NRG3: variants seen among roughly 807,000 people sequenced by gnomAD.
NRG3 encodes pro-neuregulin-3, membrane-bound isoform.
In NRG3, 31 loss-of-function variants were observed where a neutral mutation model predicts 66.9. The ratio of observed to expected loss-of-function variants is 0.46; its 90% confidence interval spans 0.35 to 0.63. NRG3 has a LOEUF of 0.63. Among genes scored for constraint, NRG3 ranks in the 20% least tolerant of loss-of-function variants. NRG3 has a pLI of 0.00. For missense variants in NRG3, 910 were observed against 878.9 expected (o/e 1.04, Z -0.45); for synonymous variants, 393 against 359.4 (o/e 1.09, Z -1.06).
intron 1 of NRG3, among the ~76,000 whole-genome samples, chr10:82,002,499 A>G (rs899097891): frequency 6.6e-6 from 1 of 152,184 alleles, no homozygotes; most frequent in Non-Finnish European, 1.5e-5. Flanking sequence ...GCAGCTGTGC[A>G]GTGTTTTTCT....
At chr10:82,530,285 T>TG (rs1847126588) in intron 2 of NRG3, among the ~76,000 whole-genome samples, 1 of 152,070 alleles carries the variant, frequency 6.6e-6, no homozygotes, top group African/African-American at 2.4e-5. Flanking sequence ...CAATAGCCTG[T>TG]GTACAAACAT....
At chr10:81,998,659 G>A (rs954972472) in intron 1 of NRG3, among the ~76,000 whole-genome samples, 5 of 152,218 alleles carry the variant, frequency 3.3e-5, no homozygotes, top group African/African-American at 4.8e-5. Context: ...AAAACAACGT[G>A]TGTGATAGAT....
chr10:81,975,323 ATCT>A (rs1191950781), intron 1 of NRG3, among the ~76,000 whole-genome samples: 1 of 45,390 alleles, frequency 2.2e-5, no homozygotes, highest in Non-Finnish European at 4.3e-5. Flanking sequence ...ACATCTATCT[ATCT>A]ATCTATCTAT....
At chr10:81,897,817 G>A (rs1843659940) in intron 1 of NRG3, among the ~76,000 whole-genome samples, 1 of 152,156 alleles carries the variant, frequency 6.6e-6, no homozygotes, top group African/African-American at 2.4e-5. Flanking sequence ...AACCAGTGAT[G>A]GGATTATGCA....
chr10:82,358,816 G>A lies in NRG3; in HGVS notation c.901G>A (p.Asp301Asn), dbSNP rs781602782. Residue 301 changes from aspartate (D) to asparagine (N), a missense_variant, in exon 2 of 9, where the codon GAT (aspartate) becomes AAT (asparagine). Physicochemically the swap from Asp to Asn is conservative, Grantham distance 23. Transcript: ENST00000372141. ...CAAGGACCTTGCATACTGTCTCAATGATGGCGAGTGCTTTGTGATCGAAAC... is the reference window on the plus strand; with the variant it reads ...CAAGGACCTTGCATACTGTCTCAATAATGGCGAGTGCTTTGTGATCGAAAC... ...RDKDLAYCLNDGECFVIETLT... is the reference protein window; with the variant it reads ...RDKDLAYCLNNGECFVIETLT... 9 of 1,614,180 alleles carry A rather than the reference G, an allele frequency of 5.6e-6. No individual in the cohort carries two copies. Among genetic ancestry groups the A allele is most frequent in the Non-Finnish European group, 7.6e-6 (9 of 1,180,028 alleles).
chr10:82,647,111 T>G (rs1591007102), intron 2 of NRG3, among the ~76,000 whole-genome samples: 1 of 151,922 alleles, frequency 6.6e-6, no homozygotes. Context: ...CCATTAACTC[T>G]TCATTTAGCA....
intron 1 of NRG3, among the ~76,000 whole-genome samples, chr10:82,281,911 A>C (rs562643835): frequency 1.1e-4 from 16 of 152,320 alleles, no homozygotes; most frequent in African/African-American, 3.8e-4. Context: ...TTGACAGTAG[A>C]CATGGCTATT....
chr10:82,219,090 A>T (rs751570748), intron 1 of NRG3, among the ~76,000 whole-genome samples: 1 of 152,032 alleles, frequency 6.6e-6, no homozygotes, highest in Non-Finnish European at 1.5e-5. Flanking sequence ...CTGTGCATAT[A>T]TTAAGTGTGC....
At chr10:81,934,462 A>G (rs993763180) in intron 1 of NRG3, among the ~76,000 whole-genome samples, 2 of 152,170 alleles carry the variant, frequency 1.3e-5, no homozygotes, top group Admixed American at 1.3e-4. Flanking sequence ...TGTGACACAC[A>G]TAAAGCTTCT....
At chr10:82,151,779 C>T (rs1417736689) in intron 1 of NRG3, among the ~76,000 whole-genome samples, 2 of 152,106 alleles carry the variant, frequency 1.3e-5, no homozygotes, top group Non-Finnish European at 2.9e-5. Context: ...ATCACTGTCC[C>T]ATAAAAAAAG....
intron 2 of NRG3, among the ~76,000 whole-genome samples, chr10:82,462,862 CT>C (rs1224993264): frequency 6.6e-6 from 1 of 152,108 alleles, no homozygotes; most frequent in Non-Finnish European, 1.5e-5. Flanking sequence ...TGATAACTGT[CT>C]TTTTTATTTT....
intron 2 of NRG3, among the ~76,000 whole-genome samples, chr10:82,440,440 T>G (rs1005849831): frequency 1.3e-5 from 2 of 151,606 alleles, no homozygotes; most frequent in Non-Finnish European, 2.9e-5. Context: ...GCTTCATTAA[T>G]GATAGTTTTT....
chr10:82,897,692 T>C (rs902964459), intron 4 of NRG3, among the ~76,000 whole-genome samples: 1 of 152,074 alleles, frequency 6.6e-6, no homozygotes, highest in Non-Finnish European at 1.5e-5. Flanking sequence ...CTAATTGTTG[T>C]ATTTTTTAGT....
At chr10:82,226,992 G>C (rs2076195741) in intron 1 of NRG3, among the ~76,000 whole-genome samples, 1 of 152,148 alleles carries the variant, frequency 6.6e-6, no homozygotes, top group Non-Finnish European at 1.5e-5. Flanking sequence ...TGTCTTTTCT[G>C]TATATGTGCT....
intron 1 of NRG3, among the ~76,000 whole-genome samples, chr10:82,047,212 G>A (rs181700004): frequency 7.9e-5 from 12 of 151,802 alleles, no homozygotes; most frequent in South Asian, 4.2e-4. Flanking sequence ...ACTCCTTTTG[G>A]TTGGTAAGCT....
chr10:82,974,735 C>A (rs1051803917), intron 7 of NRG3, among the ~76,000 whole-genome samples: 8 of 152,114 alleles, frequency 5.3e-5, no homozygotes, highest in African/African-American at 1.9e-4. Flanking sequence ...AAGTAAATAA[C>A]AGTTGTTCCC....
intron 2 of NRG3, among the ~76,000 whole-genome samples, chr10:82,423,624 CT>C (rs2136255003): frequency 6.6e-6 from 1 of 151,974 alleles, no homozygotes; most frequent in South Asian, 2.1e-4. Flanking sequence ...TATGGTGACA[CT>C]TTTAAGTCTA....
chr10:82,110,527 G>C (rs1295869451), intron 1 of NRG3, among the ~76,000 whole-genome samples: 1 of 152,130 alleles, frequency 6.6e-6, no homozygotes, highest in African/African-American at 2.4e-5. Flanking sequence ...GACGAGAGAC[G>C]AGGCTATTCC....
At chr10:82,740,837 A>T in intron 3 of NRG3, among the ~76,000 whole-genome samples, 1 of 151,664 alleles carries the variant, frequency 6.6e-6, no homozygotes, top group South Asian at 2.1e-4. Flanking sequence ...AAAAAAAAAA[A>T]AAAAAAAAAA....
Sources: allele counts gnomAD v4.1 joint callset (sites outside exome capture counted in the v4.1 genomes callset), GRCh38; gene constraint gnomAD v4.1.1; transcripts MANE v1.5; gene names NCBI Gene and HGNC (gene_info 2026-07-23, HGNC 2026-07-21).